RACK1: variants seen among roughly 807,000 people sequenced by gnomAD.
RACK1 encodes the protein small ribosomal subunit protein RACK1.
RACK1 carries 3 observed loss-of-function variants against 42.2 expected under a neutral mutation model. That is an observed-to-expected ratio of 0.07 (90% confidence interval 0.03 to 0.18). The LOEUF (loss-of-function observed/expected upper bound fraction) is 0.18. Among genes scored for constraint, RACK1 ranks in the 10% least tolerant of loss-of-function variants. The pLI is 1.00. For synonymous variants in RACK1, 181 were observed against 154.8 expected (o/e 1.17, Z -1.25); for missense variants, 146 against 403.2 (o/e 0.36, Z 5.46).
intron 6 of RACK1, 136 bp downstream of exon 6, chr5:181,237,963 C>G (rs1759203042): frequency 2.1e-6 from 2 of 933,118 alleles, no homozygotes; most frequent in Non-Finnish European, 3.4e-6. Flanking sequence ...CAGAGTTACT[C>G]AGACCAAAAT....
chr5:181,237,764 G>T (rs770729712), intron 6 of RACK1, 45 bp from the exon 7 acceptor site: 1 of 1,032,300 alleles, frequency 9.7e-7, no homozygotes, highest in African/African-American at 1.6e-5. Flanking sequence ...CCAATCAAGA[G>T]AGTCTCCTCT....
At chr5:181,238,030 A>G (rs915146354) in intron 6 of RACK1, 69 bp downstream of exon 6, 18 of 1,554,962 alleles carry the variant, frequency 1.2e-5, no homozygotes, top group Admixed American at 3.4e-5. Flanking sequence ...GATGGCATAT[A>G]TAATAACCAA....
chr5:181,240,027 G>A (rs189155827), intron 3 of RACK1, among the ~76,000 whole-genome samples: 19 of 148,344 alleles, frequency 1.3e-4, no homozygotes, highest in Non-Finnish European at 1.8e-4. Context: ...CCTGGGCAAC[G>A]AACAAGTGAA....
At chr5:181,237,915 G>A in intron 6 of RACK1, 184 bp downstream of exon 6, 1 of 680,964 alleles carries the variant, frequency 1.5e-6, no homozygotes, top group Non-Finnish European at 2.5e-6. Context: ...TGGAAATGCT[G>A]CTAAACATCC....
At chr5:181,241,813 G>C (rs756017493) in intron 2 of RACK1, 174 bp from the exon 3 acceptor site, 2 of 813,464 alleles carry the variant, frequency 2.5e-6, no homozygotes, top group Non-Finnish European at 4.3e-6. Flanking sequence ...AAGTGACAGA[G>C]AATCCCTTCA....
In RACK1 at chr5:181,243,878, T is replaced by A; in HGVS notation, c.-78A>T. 1 of 1,492,094 alleles carries A rather than the reference T, an allele frequency of 6.7e-7. No individual in the cohort carries two copies. The highest frequency in any genetic ancestry group is 9.0e-7 in the Non-Finnish European group (1 of 1,116,652). The allele number at this position is 1,492,094 out of a possible 1,614,324, so 92.4% of individuals were successfully genotyped here. Reference sequence around the variant, plus strand: ...TTAGAGAAACTAGCACCACAACCTCTCCTGCCGCCGCCTTGCAGTGAAAGA... The same window carrying A: ...TTAGAGAAACTAGCACCACAACCTCACCTGCCGCCGCCTTGCAGTGAAAGA... On this transcript the variant is annotated 5_prime_UTR_variant, in exon 1 of 8. Transcript: ENST00000512805.
intron 1 of RACK1, 197 bp downstream of exon 1, chr5:181,243,495 T>C (rs772381709): frequency 1.4e-6 from 2 of 1,442,184 alleles, no homozygotes; most frequent in Non-Finnish European, 1.8e-6. Context: ...TAGGTTCTCA[T>C]CTGCAATGTG....
Position 181,238,859 on chromosome 5 carries a change from A to G in RACK1, c.636+208T>C, listed in dbSNP as rs1255144205. On this transcript the variant is annotated intron_variant, in intron 5 of 7. Coordinates refer to ENST00000512805, the MANE Select transcript of RACK1 (RefSeq NM_006098.5). ...ACAAAAAAAACCCACAGGCTTATAG[A>G]AAATCATCTTTTTCTTCCAGATAGT... is the stretch of plus-strand genomic sequence containing the variant. 11 of 617,736 alleles carry G rather than the reference A, an allele frequency of 1.8e-5. No homozygotes were observed. In the East Asian group the frequency reaches 3.1e-4, roughly 17 times the overall value. 38.3% of individuals were successfully genotyped at this position (617,736 alleles called of 1,614,324 possible). A position where few individuals can be genotyped will look rare whatever the true frequency, so the allele number is the denominator to read the frequency against.
Position 181,242,621 on chromosome 5 carries a change from G to C in RACK1, c.110-276C>G, listed in dbSNP as rs568884144. 6 of 489,106 alleles carry C rather than the reference G, an allele frequency of 1.2e-5. No homozygotes were observed. The East Asian group carries it at 2.8e-4, about 23-fold the overall frequency. The allele number at this position is 489,106 out of a possible 1,614,324, so 30.3% of individuals were successfully genotyped here. On this transcript the variant is annotated intron_variant, in intron 1 of 7. Transcript: ENST00000512805. ...CGCCCAGGCTGGAGTGCAGTGGCAT[G>C]ATCTCGGCTCACTCCAAACTCCACC... is the stretch of plus-strand genomic sequence containing the variant.
At chr5:181,238,281 C>T in intron 5 of RACK1, 42 bp from the exon 6 acceptor site, 2 of 1,601,066 alleles carry the variant, frequency 1.2e-6, no homozygotes, top group South Asian at 2.2e-5. Flanking sequence ...TGACCTCTTC[C>T]AGATGTTAAT....
intron 1 of RACK1, chr5:181,243,390 T>G: frequency 1.4e-6 from 2 of 1,427,262 alleles, no homozygotes; most frequent in South Asian, 1.1e-5. Flanking sequence ...GCCCGGCCCG[T>G]AGGCCCCCGG....
At chr5:181,240,694 AAAAT>A (rs1561680404) in intron 3 of RACK1, among the ~76,000 whole-genome samples, 2 of 151,988 alleles carry the variant, frequency 1.3e-5, no homozygotes, top group African/African-American at 4.8e-5. Flanking sequence ...AAAAAGAAAA[AAAAT>A]AAATAAAATT....
In RACK1 at chr5:181,238,339, A is replaced by T. The variant is rs1387740443; in HGVS notation, c.637-100T>A. 4 of 1,243,722 alleles carry T rather than the reference A, an allele frequency of 3.2e-6. No homozygotes were observed. In the African/African-American group the frequency reaches 5.9e-5, roughly 18 times the overall value. 77.0% of individuals were successfully genotyped at this position (1,243,722 alleles called of 1,614,324 possible). A position where few individuals can be genotyped will look rare whatever the true frequency, so the allele number is the denominator to read the frequency against. On this transcript the variant is annotated intron_variant, in intron 5 of 7. Coordinates refer to ENST00000512805, the MANE Select transcript of RACK1 (RefSeq NM_006098.5). ...CAGAATCAATTCTTACCTTTCCTCC[A>T]TTACCCCAGGCTTCTTTGAAAGCTA...
intron 3 of RACK1, chr5:181,240,333 CGACAGAATGA>C (rs1561680234): frequency 6.5e-6 from 1 of 154,560 alleles, no homozygotes; most frequent in African/African-American, 2.4e-5. Context: ...CCAGCCTGGG[CGACAGAATGA>C]GACTGTCTCA....
chr5:181,238,269 T>G (rs767785052), intron 5 of RACK1, 30 bp from the exon 6 acceptor site: 2 of 1,609,782 alleles, frequency 1.2e-6, no homozygotes, highest in Non-Finnish European at 1.7e-6. Flanking sequence ...ATCAGGACAC[T>G]GTGACCTCTT....
At chr5:181,238,835 C>CAA in intron 5 of RACK1, 1 of 500,378 alleles carries the variant, frequency 2.0e-6, no homozygotes, top group Non-Finnish European at 3.6e-6. Context: ...AAAAAAACAA[C>CAA]AAAAAAAACC....
Position 181,238,105 on chromosome 5 carries a change from C to T in RACK1, c.771G>A (p.Lys257=), listed in dbSNP as rs1406015133. 1 of 1,614,198 alleles carries T rather than the reference C, an allele frequency of 6.2e-7. No homozygotes were observed. Among genetic ancestry groups the T allele is most frequent in the South Asian group, 1.1e-5 (1 of 91,084 alleles). The change falls in exon 6 of 8, where the codon AAG becomes AAA. Residue 257 remains lysine, a synonymous_variant. Coordinates refer to ENST00000512805, the MANE Select transcript of RACK1 (RefSeq NM_006098.5). ...AATTGTAACCCACACTCACCCAGATCTTGATGCTGGGGCCTGTGGCAGCAC... is the reference window on the plus strand; with the variant it reads ...AATTGTAACCCACACTCACCCAGATTTTGATGCTGGGGCCTGTGGCAGCAC... ...WLCAATGPSI[K]IWDLEGKIIV...
chr5:181,241,445 C>CAAAAAAAAAAAAAAAAAAAAAAAAAAAAA (rs747923720), intron 3 of RACK1, 47 bp downstream of exon 3: 1 of 1,209,756 alleles, frequency 8.3e-7, no homozygotes, highest in African/African-American at 2.5e-5. Flanking sequence ...AAAAAAAAAG[C>CAAAAAAAAAAAAAAAAAAAAAAAAAAAAA]AAAGTTTAAG....
Position 181,237,728 on chromosome 5 carries a change from C to T in RACK1, c.778-9G>A, listed in dbSNP as rs781391304. On this transcript the variant is annotated splice_polypyrimidine_tract_variant and intron_variant, in intron 6 of 7. Transcript: ENST00000512805. ...ATCTTTCCCTCTAAATCCTGGGGAACAGGGCAAAAGCAACCTTAAGACTTA... is the reference window on the plus strand; with the variant it reads ...ATCTTTCCCTCTAAATCCTGGGGAATAGGGCAAAAGCAACCTTAAGACTTA... 10 of 1,463,340 alleles carry T rather than the reference C, an allele frequency of 6.8e-6. No homozygotes were observed. Among genetic ancestry groups the T allele is most frequent in the East Asian group, 4.5e-5 (2 of 44,128 alleles). 90.6% of individuals were successfully genotyped at this position (1,463,340 alleles called of 1,614,324 possible).
Sources: allele counts gnomAD v4.1 joint callset (sites outside exome capture counted in the v4.1 genomes callset), GRCh38; gene constraint gnomAD v4.1.1; transcripts MANE v1.5; gene names NCBI Gene and HGNC (gene_info 2026-07-23, HGNC 2026-07-21).